PUDP: variants seen among roughly 807,000 people sequenced by gnomAD.
The protein encoded by PUDP is pseudouridine-5'-phosphatase.
In PUDP, 8 loss-of-function variants were observed where a neutral mutation model predicts 9.4. The observed-to-expected ratio is 0.85, with a 90% CI of 0.50 to 1.53. The LOEUF is 1.53. Among genes scored for constraint, PUDP ranks in the 40% most tolerant of loss-of-function variants. PUDP has a pLI of 0.00. For synonymous variants in PUDP, 99 were observed against 80.7 expected (o/e 1.23, Z -1.22); for missense variants, 188 against 189.7 (o/e 0.99, Z 0.05).
chrX:6,741,697 C>T (rs775720345), intron 3 of PUDP, among the ~76,000 whole-genome samples: 1 of 110,807 alleles, frequency 9.0e-6, no homozygotes, highest in Admixed American at 9.6e-5. Context: ...CATGATACAT[C>T]CTGGAAAGTT....
intron 3 of PUDP, among the ~76,000 whole-genome samples, chrX:6,727,987 T>C (rs1439481235): frequency 8.9e-6 from 1 of 111,945 alleles, no homozygotes; most frequent in South Asian, 3.8e-4. Flanking sequence ...TCCATTTTCA[T>C]GCTGCTAATA....
chrX:7,034,707 C>T (rs1929832357), intron 1 of PUDP, among the ~76,000 whole-genome samples: 1 of 111,618 alleles, frequency 9.0e-6, no homozygotes, highest in Non-Finnish European at 1.9e-5. Context: ...CTATGCAGAA[C>T]TGCAAAATTT....
chrX:7,074,867 C>G (rs1166886537), intron 3 of PUDP, among the ~76,000 whole-genome samples: 2 of 112,266 alleles, frequency 1.8e-5, no homozygotes, highest in Non-Finnish European at 3.8e-5. Flanking sequence ...GGAGGCTCAG[C>G]CTTGACTCTC....
chrX:6,919,438 C>T (rs957392422), intron 3 of PUDP, among the ~76,000 whole-genome samples: 9 of 111,479 alleles, frequency 8.1e-5, no homozygotes, highest in Non-Finnish European at 1.1e-4. Context: ...AAACTCTAAG[C>T]GCTTGCCAAG....
intron 1 of PUDP, among the ~76,000 whole-genome samples, chrX:7,134,116 T>C (rs1436577115): frequency 8.9e-6 from 1 of 112,267 alleles, no homozygotes; most frequent in South Asian, 3.7e-4. Flanking sequence ...ATGGGTAATT[T>C]TACTAAATCA....
intron 1 of PUDP, among the ~76,000 whole-genome samples, chrX:6,985,771 G>C (rs990705034): frequency 1.8e-5 from 2 of 111,420 alleles, no homozygotes; most frequent in African/African-American, 6.5e-5. Flanking sequence ...CTTCCTGGAG[G>C]GGTGACTCAG....
intron 1 of PUDP, among the ~76,000 whole-genome samples, chrX:6,979,724 C>CT (rs1359350757): frequency 9.1e-6 from 1 of 110,177 alleles, no homozygotes; most frequent in Non-Finnish European, 1.9e-5. Flanking sequence ...GCTTCCAGTG[C>CT]TTTTTTTTAA....
At chrX:6,826,044 T>C (rs916292146) in intron 3 of PUDP, among the ~76,000 whole-genome samples, 3 of 111,578 alleles carry the variant, frequency 2.7e-5, no homozygotes, top group African/African-American at 6.5e-5. Flanking sequence ...CTTTGCAAAA[T>C]TGTCTCTGAT....
chrX:7,046,184 A>C (rs1477009248), downstream of PUDP, among the ~76,000 whole-genome samples: 1 of 112,344 alleles, frequency 8.9e-6, no homozygotes, highest in Non-Finnish European at 1.9e-5. Flanking sequence ...AACCACCGTA[A>C]TGTGTCTGTA....
chrX:6,991,378 T>TA (rs1235301896), intron 1 of PUDP, among the ~76,000 whole-genome samples: 1 of 111,257 alleles, frequency 9.0e-6, no homozygotes, highest in African/African-American at 3.3e-5. Flanking sequence ...TTGATGTCTT[T>TA]AAAAAAATTT....
chrX:7,065,764 G>A (rs1023791893), intron 3 of PUDP, among the ~76,000 whole-genome samples: 1 of 111,758 alleles, frequency 8.9e-6, no homozygotes, highest in Non-Finnish European at 1.9e-5. Flanking sequence ...TTTAAAAAGC[G>A]GATTCCTCAA....
intron 3 of PUDP, among the ~76,000 whole-genome samples, chrX:6,804,928 A>G (rs1257286267): frequency 1.8e-5 from 2 of 111,633 alleles, no homozygotes; most frequent in African/African-American, 6.5e-5. Context: ...AGTATAGGAT[A>G]CCATGGGGAA....
At chrX:7,106,007 C>A (rs906355895) in intron 1 of PUDP, among the ~76,000 whole-genome samples, 169 bp from the exon 2 acceptor site, 6 of 111,915 alleles carry the variant, frequency 5.4e-5, no homozygotes, top group African/African-American at 1.9e-4. Flanking sequence ...CTAAATTATA[C>A]TATGGGCAGC....
chrX:7,115,706 T>C (rs772979649), intron 1 of PUDP, among the ~76,000 whole-genome samples: 1 of 112,562 alleles, frequency 8.9e-6, no homozygotes, highest in African/African-American at 3.2e-5. Flanking sequence ...GAAAGGTCAC[T>C]GTGGGCAACA....
chrX:7,114,283 A>G (rs777846485), intron 1 of PUDP, among the ~76,000 whole-genome samples: 5 of 110,344 alleles, frequency 4.5e-5, no homozygotes, highest in African/African-American at 1.6e-4. Flanking sequence ...GGGTTTCACT[A>G]TGTTGGCCAG....
chrX:6,752,887 T>A (rs1212556052), intron 3 of PUDP, among the ~76,000 whole-genome samples: 2 of 112,097 alleles, frequency 1.8e-5, no homozygotes, highest in Non-Finnish European at 3.8e-5. Context: ...ATCCCTTAGA[T>A]GTGTACATAT....
At chrX:7,089,730 C>T (rs776871077) in intron 2 of PUDP, among the ~76,000 whole-genome samples, 78 of 111,861 alleles carry the variant, frequency 7.0e-4, no homozygotes, top group Non-Finnish European at 1.2e-3. Flanking sequence ...CACCCACTCA[C>T]GCACTGTTTA....
intron 3 of PUDP, among the ~76,000 whole-genome samples, chrX:6,780,727 A>C (rs1289514690): frequency 9.0e-6 from 1 of 111,086 alleles, no homozygotes; most frequent in Non-Finnish European, 1.9e-5. Flanking sequence ...CTGGATAAAC[A>C]TGTACACACA....
At chrX:7,053,264 C>A (rs1446770155) in intron 3 of PUDP, among the ~76,000 whole-genome samples, 1 of 111,290 alleles carries the variant, frequency 9.0e-6, no homozygotes, top group African/African-American at 3.3e-5. Flanking sequence ...AGGAGCAAGA[C>A]AGGTGTGTGG....
Sources: allele counts gnomAD v4.1 joint callset (sites outside exome capture counted in the v4.1 genomes callset), GRCh38; gene constraint gnomAD v4.1.1; transcripts MANE v1.5; gene names NCBI Gene and HGNC (gene_info 2026-07-23, HGNC 2026-07-21).